The following TSPAN14 variants were observed in gnomAD, a reference collection of about 807,000 sequenced individuals.
TSPAN14 encodes tetraspanin-14.
In TSPAN14, 16 loss-of-function variants were observed where a neutral mutation model predicts 36.6. The ratio of observed to expected loss-of-function variants is 0.44; its 90% CI spans 0.30 to 0.66. TSPAN14 has a LOEUF of 0.66. Among genes scored for constraint, TSPAN14 ranks in the 30% least tolerant of loss-of-function variants. TSPAN14 has a pLI of 0.12. For missense variants in TSPAN14, 231 were observed against 355.1 expected (o/e 0.65, Z 2.81); for synonymous variants, 139 against 143.8 (o/e 0.97, Z 0.24).
rs570896396 is a variant in TSPAN14 at position 80,520,366 on chromosome 10, A to C, written c.*2390A>C. 2.1e-5 allele frequency: 8 copies of C among 381,482 alleles called. No individual in the cohort carries two copies. The East Asian group carries it at 5.1e-4, about 24-fold the overall frequency. The allele number at this position is 381,482 out of a possible 1,614,324, so 23.6% of individuals were successfully genotyped here. A position where few individuals can be genotyped will look rare whatever the true frequency, so the allele number is the denominator to read the frequency against. On this transcript the variant is annotated 3_prime_UTR_variant, in exon 9 of 9. Coordinates refer to ENST00000429989, the Ensembl canonical transcript of TSPAN14. ...GTTGGATGAGGAATGGAAAGAAAGC[A>C]AGGATGAGAGCCGGTCACGTGGCAG...
chr10:80,516,954 G>A (rs1183847648), intron 8 of TSPAN14, among the ~76,000 whole-genome samples: 2 of 152,224 alleles, frequency 1.3e-5, no homozygotes, highest in Admixed American at 6.5e-5. Flanking sequence ...GGCCTGGGGT[G>A]ACTGGGCTGG....
chr10:80,504,629 G>T, intron 2 of TSPAN14, 99 bp from the exon 3 acceptor site: 1 of 1,418,900 alleles, frequency 7.0e-7, no homozygotes, highest in Non-Finnish European at 9.9e-7. Context: ...TGAGCTAGGA[G>T]CATGCCCTAC....
At chr10:80,522,278 A>G (rs753443221) in exon 9 of TSPAN14, 3 of 152,284 alleles carry the variant, frequency 2.0e-5, no homozygotes, top group Non-Finnish European at 2.9e-5. Context: ...TGGGAGGCTA[A>G]GACAGGCAGA....
At chr10:80,510,526 T>G (rs1564744101) in intron 5 of TSPAN14, among the ~76,000 whole-genome samples, 1 of 152,208 alleles carries the variant, frequency 6.6e-6, no homozygotes, top group Non-Finnish European at 1.5e-5. Flanking sequence ...TTGCGGTTCA[T>G]CCCTGCATTG....
At chr10:80,472,636 C>A (rs1422016185) in intron 1 of TSPAN14, among the ~76,000 whole-genome samples, 1 of 152,132 alleles carries the variant, frequency 6.6e-6, no homozygotes, top group Non-Finnish European at 1.5e-5. Context: ...TTCCATAATT[C>A]CTTCTACATT....
chr10:80,493,874 C>G (rs951549156), intron 2 of TSPAN14, among the ~76,000 whole-genome samples: 5 of 152,134 alleles, frequency 3.3e-5, no homozygotes, highest in African/African-American at 4.8e-5. Flanking sequence ...TTCATTTATA[C>G]CCCCCACTGG....
chr10:80,492,176 C>T (rs1373664269), intron 2 of TSPAN14, among the ~76,000 whole-genome samples: 1 of 152,130 alleles, frequency 6.6e-6, no homozygotes, highest in African/African-American at 2.4e-5. Flanking sequence ...GCCCTTACCT[C>T]TTCAGATAAG....
chr10:80,474,487 A>T (rs1256412049), intron 1 of TSPAN14, among the ~76,000 whole-genome samples: 2 of 151,218 alleles, frequency 1.3e-5, no homozygotes, highest in African/African-American at 4.9e-5. Context: ...GAGGGGAGGT[A>T]TTGGAGCGTG....
At position 80,511,244 on chromosome 10, in the gene TSPAN14, G is replaced by T. The variant is rs151101375; in HGVS notation, c.451-900G>T. On this transcript the variant is annotated intron_variant, in intron 5 of 8. Transcript: ENST00000429989. ...GCCACACCAGATGCGAGGAAGGGGA[G>T]GGCAGAGGCCCCAGGTGTGGGGCAG... 6.6e-5 allele frequency among the ~76,000 whole-genome samples: 10 copies of T among 152,322 alleles called. No individual in the cohort carries two copies. The East Asian group carries it at 1.9e-3, about 29-fold the overall frequency.
chr10:80,458,243 GACTGA>G (rs1845819912), intron 1 of TSPAN14, among the ~76,000 whole-genome samples: 1 of 27,420 alleles, frequency 3.6e-5, no homozygotes. Context: ...GTAGCGAGGT[GACTGA>G]AGGTGGACTC....
chr10:80,485,798 T>C (rs1159680871), intron 1 of TSPAN14: 1 of 592,236 alleles, frequency 1.7e-6, no homozygotes, highest in Non-Finnish European at 2.1e-6. Flanking sequence ...TTCAACAGTT[T>C]ATTGCAATAG....
chr10:80,465,245 C>A (rs118086784), intron 1 of TSPAN14, among the ~76,000 whole-genome samples: 8,446 of 152,158 alleles, frequency 0.056, 285 homozygotes, highest in Non-Finnish European at 0.083. Context: ...TGCTATTAGT[C>A]TCCCAGGCCC....
At chr10:80,491,651 C>G (rs1847928041) in intron 2 of TSPAN14, among the ~76,000 whole-genome samples, 1 of 152,196 alleles carries the variant, frequency 6.6e-6, no homozygotes, top group South Asian at 2.1e-4. Flanking sequence ...GTTTGCAGCA[C>G]TATATTCCAG....
chr10:80,468,133 C>T (rs896626966), intron 1 of TSPAN14, among the ~76,000 whole-genome samples: 2 of 152,152 alleles, frequency 1.3e-5, no homozygotes, highest in African/African-American at 4.8e-5. Context: ...TGGGTTTCTG[C>T]CCTTTATGTG....
Position 80,477,498 on chromosome 10 carries a change from A to G in TSPAN14, c.-17-11719A>G, listed in dbSNP as rs147708446. On this transcript the variant is annotated intron_variant, in intron 1 of 8. Transcript: ENST00000429989. ...TGCATGAGGACAGGGAGAATGAGAA[A>G]GAAAACAACAGCAAGAAAAATTTTG... 4.3e-3 allele frequency among the ~76,000 whole-genome samples: 659 copies of G among 152,362 alleles called. 2 individuals are homozygous for G. Among genetic ancestry groups the G allele is most frequent in the Admixed American group, 7.3e-3 (112 of 15,306 alleles).
intron 1 of TSPAN14, among the ~76,000 whole-genome samples, chr10:80,476,497 G>A (rs1846909911): frequency 1.5e-5 from 2 of 134,850 alleles, no homozygotes; most frequent in South Asian, 2.5e-4. Context: ...CTCACTGCAA[G>A]CTCCGCCTCC....
chr10:80,498,518 G>A (rs1479228017), intron 2 of TSPAN14, among the ~76,000 whole-genome samples: 1 of 152,262 alleles, frequency 6.6e-6, no homozygotes, highest in East Asian at 1.9e-4. Context: ...CTGCTTCACT[G>A]TTGTCTCCAG....
At chr10:80,479,934 G>A (rs1465066941) in intron 1 of TSPAN14, among the ~76,000 whole-genome samples, 1 of 146,436 alleles carries the variant, frequency 6.8e-6, no homozygotes, top group East Asian at 1.9e-4. Flanking sequence ...AGCATGGAAT[G>A]TTCTTCCATT....
chr10:80,489,290 T>G (rs1348432227), exon 2 of TSPAN14: 11 of 1,579,834 alleles, frequency 7.0e-6, no homozygotes, highest in Non-Finnish European at 8.6e-6. Context: ...AGTACCTCCT[T>G]TTCAGCTACA....
Sources: allele counts gnomAD v4.1 joint callset (sites outside exome capture counted in the v4.1 genomes callset), GRCh38; gene constraint gnomAD v4.1.1; transcripts MANE v1.5; gene names NCBI Gene and HGNC (gene_info 2026-07-23, HGNC 2026-07-21).